PRKN: variants seen among roughly 807,000 people sequenced by gnomAD.
PRKN encodes E3 ubiquitin-protein ligase parkin.
PRKN carries 56 observed loss-of-function variants against 59.5 expected under a neutral mutation model. The observed-to-expected ratio is 0.94, with a 90% CI of 0.76 to 1.18. The LOEUF is 1.18. Among genes scored for constraint, PRKN ranks in the 50% most tolerant of loss-of-function variants. The pLI is 0.00. For synonymous variants in PRKN, 250 were observed against 222.1 expected, an observed-to-expected ratio of 1.13 and a Z score of -1.12; for missense variants, 657 against 596.4, an observed-to-expected ratio of 1.10 and a Z score of -1.06.
chr6:162,398,624 A>T (rs934051268), intron 2 of PRKN, among the ~76,000 whole-genome samples: 1 of 152,154 alleles, frequency 6.6e-6, no homozygotes, highest in Admixed American at 6.5e-5. Flanking sequence ...TCCTGACCTC[A>T]GGTGATCCAC....
At chr6:162,002,035 T>C (rs1411929198) in intron 5 of PRKN, among the ~76,000 whole-genome samples, 1 of 151,964 alleles carries the variant, frequency 6.6e-6, no homozygotes, top group Non-Finnish European at 1.5e-5. Context: ...CTGCATGTTA[T>C]AATTTTTCAA....
intron 6 of PRKN, among the ~76,000 whole-genome samples, chr6:161,840,935 A>G (rs1230325619): frequency 6.6e-6 from 1 of 152,170 alleles, no homozygotes. Context: ...TGGTGAGACT[A>G]TGGAGAAAAA....
intron 6 of PRKN, among the ~76,000 whole-genome samples, chr6:161,826,728 C>G (rs1000914529): frequency 6.6e-6 from 1 of 152,178 alleles, no homozygotes; most frequent in Non-Finnish European, 1.5e-5. Flanking sequence ...TTCCCAAAGA[C>G]ATTAAATACA....
intron 7 of PRKN, among the ~76,000 whole-genome samples, chr6:161,714,920 T>A (rs1431723799): frequency 1.3e-5 from 2 of 152,154 alleles, no homozygotes. Flanking sequence ...ATCCCCACAA[T>A]AAACTTCCAG....
Position 161,588,660 on chromosome 6 carries a change from G to A in PRKN, c.872-19244C>T, listed in dbSNP as rs1781605138. On this transcript the variant is annotated intron_variant, in intron 7 of 11. Transcript: ENST00000366898. This position sits in a 1 kb window ranked among gnomAD's most constrained non-coding sequence, Gnocchi z 5.0. ...ACTGATCCATGTGAGCCACCAACTT[G>A]GTTCTGAGTTTCCCAGCAATCAGAA... Among the ~76,000 whole-genome samples the A allele has an allele frequency of 6.6e-6, 1 of 151,986 alleles. No homozygotes were observed. The highest frequency in any genetic ancestry group is 6.6e-5 in the Admixed American group (1 of 15,260).
chr6:161,670,630 A>G (rs1203770926), intron 7 of PRKN, among the ~76,000 whole-genome samples: 1 of 152,154 alleles, frequency 6.6e-6, no homozygotes, highest in African/African-American at 2.4e-5. Flanking sequence ...CCTGGCTAAC[A>G]TAGTGAAACC....
intron 1 of PRKN, among the ~76,000 whole-genome samples, chr6:162,455,749 G>A (rs1472133446): frequency 6.6e-6 from 1 of 151,980 alleles, no homozygotes; most frequent in Non-Finnish European, 1.5e-5. Context: ...GCAGCTCCAA[G>A]GTTTTGATTT....
rs542787977 is a variant in PRKN, at chr6:162,269,196, C to T, written c.172-6431G>A. Among the ~76,000 whole-genome samples the T allele has an allele frequency of 9.2e-5, 14 of 152,248 alleles. No individual in the cohort carries two copies. In the South Asian group the frequency reaches 2.5e-3, roughly 27 times the overall value. On this transcript the variant is annotated intron_variant, in intron 2 of 11. Transcript: ENST00000366898. ...CCAGGGAAGACTGCACTTATCACGT[C>T]GTATTGTAGTTTCTTTGTATGCGTT...
At chr6:161,625,392 A>G (rs1310322571) in intron 7 of PRKN, among the ~76,000 whole-genome samples, 1 of 149,816 alleles carries the variant, frequency 6.7e-6, no homozygotes, top group Non-Finnish European at 1.5e-5. Flanking sequence ...GAAGGGGAAC[A>G]TCACACATCG....
intron 8 of PRKN, among the ~76,000 whole-genome samples, chr6:161,556,365 T>C (rs17573150): frequency 0.47 from 72,147 of 152,000 alleles, 17,383 homozygotes; most frequent in East Asian, 0.66. Flanking sequence ...AACATTGTGA[T>C]ATTTATAAGA....
At chr6:161,973,706 A>G (rs1330000840) in intron 5 of PRKN, among the ~76,000 whole-genome samples, 1 of 152,184 alleles carries the variant, frequency 6.6e-6, no homozygotes, top group Admixed American at 6.5e-5. Context: ...CTCGATGATA[A>G]TAAGTGAGTC....
intron 1 of PRKN, among the ~76,000 whole-genome samples, chr6:162,454,772 CA>C: frequency 6.6e-6 from 1 of 152,318 alleles, no homozygotes; most frequent in South Asian, 2.1e-4. Context: ...TCCCACTTCA[CA>C]AAACAAAGGA....
chr6:161,427,231 G>T (rs1188041381), intron 9 of PRKN, among the ~76,000 whole-genome samples: 1 of 152,120 alleles, frequency 6.6e-6, no homozygotes, highest in Non-Finnish European at 1.5e-5. Context: ...TGTTGCTCAG[G>T]CTGGTCTTGA....
chr6:161,866,030 T>C (rs1161735846), intron 6 of PRKN, among the ~76,000 whole-genome samples: 2 of 152,158 alleles, frequency 1.3e-5, no homozygotes, highest in African/African-American at 4.8e-5. Flanking sequence ...GTAAGGTTAT[T>C]ATTAATAATT....
intron 9 of PRKN, among the ~76,000 whole-genome samples, chr6:161,532,394 G>A (rs1779256229): frequency 6.6e-6 from 1 of 151,880 alleles, no homozygotes; most frequent in East Asian, 1.9e-4. Flanking sequence ...GTATATGGCT[G>A]TGTGTGTATG....
chr6:162,228,099 A>G (rs1309319965), intron 3 of PRKN, among the ~76,000 whole-genome samples: 1 of 152,196 alleles, frequency 6.6e-6, no homozygotes, highest in Non-Finnish European at 1.5e-5. Flanking sequence ...GAGCTCATTC[A>G]AGGACCTGGG....
At chr6:161,703,837 CTCTTTTTTTTTTT>C (rs1786362307) in intron 7 of PRKN, among the ~76,000 whole-genome samples, 1 of 104,802 alleles carries the variant, frequency 9.5e-6, no homozygotes, top group Non-Finnish European at 1.8e-5. Flanking sequence ...CTCTCTCTCT[CTCTTTTTTTTTTT>C]TTTTTTTTTT....
intron 1 of PRKN, among the ~76,000 whole-genome samples, chr6:162,547,737 C>T (rs1779175136): frequency 6.6e-6 from 1 of 152,004 alleles, no homozygotes; most frequent in African/African-American, 2.4e-5. Context: ...CACACCACCA[C>T]AATGGGCTAA....
At chr6:162,403,474 T>C (rs1332178389) in intron 2 of PRKN, among the ~76,000 whole-genome samples, 2 of 152,142 alleles carry the variant, frequency 1.3e-5, no homozygotes, top group Middle Eastern at 3.2e-3. Context: ...TATATCACCA[T>C]CTGAAATACC....
Sources: allele counts gnomAD v4.1 joint callset (sites outside exome capture counted in the v4.1 genomes callset), GRCh38; gene constraint gnomAD v4.1.1; non-coding constraint Gnocchi (gnomAD v3.1); transcripts MANE v1.5; gene names NCBI Gene and HGNC (gene_info 2026-07-23, HGNC 2026-07-21).